The following DNAJC19 variants were observed in gnomAD, a reference collection of about 807,000 sequenced individuals.
DNAJC19 encodes the protein mitochondrial import inner membrane translocase subunit TIM14.
Under a neutral mutation model 19.8 loss-of-function variants are expected in DNAJC19, and 15 were observed. The ratio of observed to expected loss-of-function variants is 0.76; its 90% CI spans 0.51 to 1.17. The LOEUF is 1.17. Among genes scored for constraint, DNAJC19 ranks in the 50% most tolerant of loss-of-function variants. The pLI, the probability that DNAJC19 is intolerant of heterozygous loss-of-function variation, is 0.00. For missense variants in DNAJC19, 105 were observed against 140.9 expected (o/e 0.75, Z 1.29); for synonymous variants, 38 against 42.1 (o/e 0.90, Z 0.38).
chr3:180,987,559 T>C (rs891022558), intron 3 of DNAJC19: 1 of 265,930 alleles, frequency 3.8e-6, no homozygotes, highest in Non-Finnish European at 7.3e-6. Context: ...CCAAATCTAT[T>C]CTTAACTGTG....
intron 4 of DNAJC19, chr3:180,986,577 C>T (rs1020148483): frequency 2.9e-5 from 6 of 210,072 alleles, no homozygotes; most frequent in East Asian, 1.2e-4. Flanking sequence ...TCACCGCGCC[C>T]GGTTGAAGGC....
chr3:180,983,888 A>G lies in DNAJC19; in HGVS notation c.*752T>C, dbSNP rs1170280030. ...AGCCAACTGAAGGAATAATTTATAA[A>G]TGGTCATTACCTTTAAGGGGCTAGC... On this transcript the variant is annotated 3_prime_UTR_variant, in exon 6 of 6. Coordinates refer to ENST00000382564, the MANE Select transcript of DNAJC19 (RefSeq NM_145261.4). 2 of 454,008 alleles carry G rather than the reference A, an allele frequency of 4.4e-6. No homozygotes were observed. The highest frequency in any genetic ancestry group is 8.8e-6 in the Non-Finnish European group (2 of 226,746). The allele number at this position is 454,008 out of a possible 1,614,324, so 28.1% of individuals were successfully genotyped here.
At chr3:180,989,828 A>C, upstream of DNAJC19, 1 of 754,878 alleles carries the variant, frequency 1.3e-6, no homozygotes. Context: ...CAGAGCGGAG[A>C]AAGCGACTTC....
rs757422860 is a variant in DNAJC19, at chr3:180,986,008, AAG to A, written c.210-14_210-13del. On this transcript the variant is annotated splice_polypyrimidine_tract_variant and intron_variant, in intron 4 of 5. Transcript: ENST00000382564. ...TATTGGCAGTAGGGCTAATTAAAAA[AAG>A]AAATGGTATTTACTTCATCCTACTT... 7.5e-6 allele frequency: 12 copies of A among 1,607,130 alleles called. No homozygotes were observed. The highest frequency in any genetic ancestry group is 6.6e-5 in the South Asian group (6 of 90,960).
chr3:180,988,561 T>A (rs1033800400), intron 1 of DNAJC19, among the ~76,000 whole-genome samples: 2 of 152,122 alleles, frequency 1.3e-5, no homozygotes, highest in African/African-American at 4.8e-5. Flanking sequence ...TTATGCTGAA[T>A]GCATTAAAGT....
intron 1 of DNAJC19, among the ~76,000 whole-genome samples, 172 bp from the exon 2 acceptor site, chr3:180,988,401 G>C (rs1386447407): frequency 7.0e-6 from 1 of 143,290 alleles, no homozygotes; most frequent in East Asian, 2.0e-4. Flanking sequence ...ATGTTGCTTA[G>C]GCTGGTCTTG....
chr3:180,984,198 G>C lies in DNAJC19; in HGVS notation c.*442C>G, dbSNP rs993211828. 2 of 454,060 alleles carry C rather than the reference G, an allele frequency of 4.4e-6. No individual in the cohort carries two copies. Among genetic ancestry groups the C allele is most frequent in the African/African-American group, 2.0e-5 (1 of 50,106 alleles). The allele number at this position is 454,060 out of a possible 1,614,324, so 28.1% of individuals were successfully genotyped here. On this transcript the variant is annotated 3_prime_UTR_variant, in exon 6 of 6. Transcript: ENST00000382564. ...AAGTATCCAAGTTGCCAGGCCAGTTGCCTGTACCTGGAACAGCCTTTCCAC... is the reference window on the plus strand; with the variant it reads ...AAGTATCCAAGTTGCCAGGCCAGTTCCCTGTACCTGGAACAGCCTTTCCAC...
chr3:180,986,947 C>T lies in DNAJC19; in HGVS notation c.205G>A (p.Val69Ile). Reference protein sequence around the residue: ...TKREAALILGVSPTANKGKIR... With the variant: ...TKREAALILGISPTANKGKIR... ...AAATATTAGAGATTATTTTACCTTA[C>T]ACCTAGTATTAATGCTGCTTCCCGT... The change falls in exon 4 of 6, where the codon GTA (valine) becomes ATA (isoleucine). Residue 69 changes from valine (V) to isoleucine (I), a missense_variant. Physicochemically the swap from Val to Ile is conservative, Grantham distance 29 (BLOSUM62 3). Coordinates refer to ENST00000382564, the MANE Select transcript of DNAJC19 (RefSeq NM_145261.4). The T allele has an allele frequency of 1.2e-6, 2 of 1,612,878 alleles. No individual in the cohort carries two copies. Among genetic ancestry groups the T allele is most frequent in the African/African-American group, 1.3e-5 (1 of 74,988 alleles).
At position 180,987,006 on chromosome 3, in the gene DNAJC19, T is replaced by C; in HGVS notation, c.146A>G (p.Tyr49Cys). ...SLPKSAFSGG[Y>C]YRGGFEPKMT... ...TTTGGGTTCAAACCCACCTCTATAA[T>C]AGCCACCACTGAAGGCCTGAAAGAA... The change falls in exon 4 of 6, where the codon TAT (tyrosine) becomes TGT (cysteine). Residue 49 changes from tyrosine to cysteine, a missense_variant. Tyr to Cys is a radical substitution (Grantham distance 194). Transcript: ENST00000382564. The C allele has an allele frequency of 1.2e-6, 2 of 1,613,900 alleles. No individual in the cohort carries two copies. Among genetic ancestry groups the C allele is most frequent in the Non-Finnish European group, 1.7e-6 (2 of 1,179,848 alleles).
At chr3:180,987,059 A>G in intron 3 of DNAJC19, 37 bp from the exon 4 acceptor site, 1 of 1,574,792 alleles carries the variant, frequency 6.4e-7, no homozygotes, top group Non-Finnish European at 8.7e-7. Flanking sequence ...AAAGGTTAAT[A>G]AAATAAAGTT....
chr3:180,989,679 G>C lies in DNAJC19; in HGVS notation c.-77C>G, dbSNP rs767619862. The C allele has an allele frequency of 6.4e-7, 1 of 1,555,702 alleles. No individual in the cohort carries two copies. Among genetic ancestry groups the C allele is most frequent in the East Asian group, 2.4e-5 (1 of 41,682 alleles). The stretch of plus-strand genomic sequence containing the variant: ...CAGAGGCCGCGGCCAACACCTGCAC[G>C]CCTTTACCAGAGAGCGACGCAACCC... On this transcript the variant is annotated 5_prime_UTR_variant, in exon 1 of 6. Transcript: ENST00000382564.
intron 5 of DNAJC19, 79 bp from the exon 6 acceptor site, chr3:180,984,789 G>A: frequency 9.9e-7 from 1 of 1,006,910 alleles, no homozygotes. Context: ...CTTGTTTCAA[G>A]GACTCCAATG....
At chr3:180,988,554 T>C (rs1209060502) in intron 1 of DNAJC19, among the ~76,000 whole-genome samples, 2 of 152,108 alleles carry the variant, frequency 1.3e-5, no homozygotes, top group African/African-American at 2.4e-5. Context: ...GCATCTGTTA[T>C]GCTGAATGCA....
chr3:180,986,182 G>A (rs550924342), intron 4 of DNAJC19, among the ~76,000 whole-genome samples, 186 bp from the exon 5 acceptor site: 7 of 152,218 alleles, frequency 4.6e-5, no homozygotes, highest in African/African-American at 1.7e-4. Flanking sequence ...AGAAAAGTAA[G>A]GCACTCTCAA....
In DNAJC19 at chr3:180,989,593, C is replaced by A; in HGVS notation, c.3+7G>T. ...GGTCGCCAAGAAGACCGGAAGGCCG[C>A]ACTCACCATGGCTCCGGCTGGGCTC... On this transcript the variant is annotated splice_region_variant and intron_variant, in intron 1 of 5. Coordinates refer to ENST00000382564, the MANE Select transcript of DNAJC19 (RefSeq NM_145261.4). 1 of 1,586,032 alleles carries A rather than the reference C, an allele frequency of 6.3e-7. No individual in the cohort carries two copies. The highest frequency in any genetic ancestry group is 8.6e-7 in the Non-Finnish European group (1 of 1,166,184).
In DNAJC19 at chr3:180,983,747, A is replaced by AT; in HGVS notation, c.*892dup. The AT allele has an allele frequency of 2.2e-6, 1 of 447,758 alleles. No individual in the cohort carries two copies. The highest frequency in any genetic ancestry group is 4.5e-6 in the Non-Finnish European group (1 of 224,292). 27.7% of individuals were successfully genotyped at this position (447,758 alleles called of 1,614,324 possible). On this transcript the variant is annotated 3_prime_UTR_variant, in exon 6 of 6. Transcript: ENST00000382564. ...ATCATTTAAATTTATTAGTGTATAA[A>AT]TTCTAAAGAGTCCAAATTAAATATG...
rs2108508819 is a variant in DNAJC19 at position 180,986,949 on chromosome 3, C to A, written c.203G>T (p.Gly68Val). The change falls in exon 4 of 6, where the codon GGT becomes GTT. Residue 68 changes from glycine to valine, a missense_variant. By Grantham distance (109) the Gly-to-Val change is moderately radical. Transcript: ENST00000382564. The stretch of plus-strand genomic sequence containing the variant: ...ATATTAGAGATTATTTTACCTTACA[C>A]CTAGTATTAATGCTGCTTCCCGTTT... ...MTKREAALIL[G>V]VSPTANKGKI... 6.2e-7 allele frequency: 1 copy of A among 1,613,158 alleles called. No individual in the cohort carries two copies. The highest frequency in any genetic ancestry group is 8.5e-7 in the Non-Finnish European group (1 of 1,179,248).
In DNAJC19 at chr3:180,984,730, A is replaced by AT; in HGVS notation, c.281-21_281-20insA. 6.4e-7 allele frequency: 1 copy of AT among 1,560,382 alleles called. No homozygotes were observed. The highest frequency in any genetic ancestry group is 8.8e-7 in the Non-Finnish European group (1 of 1,136,182). ...ATCCTCCTATAGGAAGAAAGAAAAA[A>AT]GAACAGTTACAATATGGATTCTCAA... On this transcript the variant is annotated intron_variant, in intron 5 of 5. Transcript: ENST00000382564.
rs1714805711 is a variant in DNAJC19, at chr3:180,984,695, A to T, written c.296T>A (p.Ile99Lys). ...NHPDKGGSPY[I>K]AAKINEAKDL... ...TTTAGCTTCATTGATTTTGGCTGCT[A>T]TATAAGGAGATCCTCCTATAGGAAG... Residue 99 changes from isoleucine (I) to lysine (K), a missense_variant, in exon 6 of 6, where the codon ATA becomes AAA. By Grantham distance (102) the Ile-to-Lys change is moderately radical. Coordinates refer to ENST00000382564, the MANE Select transcript of DNAJC19 (RefSeq NM_145261.4). The T allele has an allele frequency of 6.2e-7, 1 of 1,607,354 alleles. No individual in the cohort carries two copies. The highest frequency in any genetic ancestry group is 2.2e-5 in the East Asian group (1 of 44,658).
Sources: allele counts gnomAD v4.1 joint callset (sites outside exome capture counted in the v4.1 genomes callset), GRCh38; gene constraint gnomAD v4.1.1; transcripts MANE v1.5; gene names NCBI Gene and HGNC (gene_info 2026-07-23, HGNC 2026-07-21).